Variants in AMOT observed in about 807,000 individuals in gnomAD.
AMOT encodes angiomotin.
Under a neutral mutation model 67.0 loss-of-function variants are expected in AMOT, and 11 were observed. That is an observed-to-expected ratio of 0.16 (90% CI 0.10 to 0.27). The LOEUF is 0.27. AMOT is among the 10% of genes least tolerant of loss of function. The pLI is 1.00. For synonymous variants in AMOT, 326 were observed against 321.4 expected (o/e 1.01, Z -0.15); for missense variants, 753 against 852.0 (o/e 0.88, Z 1.45).
chrX:112,780,854 T>A, intron 12 of AMOT, 32 bp downstream of exon 12: 1 of 1,184,388 alleles, frequency 8.4e-7, no homozygotes, highest in Non-Finnish European at 1.1e-6. Context: ...TTTGAACACG[T>A]GACTATAATC....
At chrX:112,821,934 G>A (rs1237543370) in intron 4 of AMOT, among the ~76,000 whole-genome samples, 2 of 112,439 alleles carry the variant, frequency 1.8e-5, no homozygotes, top group African/African-American at 6.5e-5. Flanking sequence ...GAGGGCTTAT[G>A]AGAAACACAG....
intron 11 of AMOT, among the ~76,000 whole-genome samples, 187 bp downstream of exon 11, chrX:112,782,353 A>C (rs974581118): frequency 2.7e-5 from 3 of 112,141 alleles, no homozygotes; most frequent in Non-Finnish European, 5.6e-5. Context: ...CCCTACCTGG[A>C]ATTCCATGTT....
At chrX:112,782,179 G>A (rs183990329) in intron 11 of AMOT, among the ~76,000 whole-genome samples, 152 of 112,242 alleles carry the variant, frequency 1.4e-3, no homozygotes, top group Middle Eastern at 4.6e-3. Context: ...GTGAGCCATT[G>A]TGCCCGGCCG....
intron 10 of AMOT, among the ~76,000 whole-genome samples, chrX:112,786,907 CTCTT>C (rs1933379837): frequency 8.9e-6 from 1 of 112,067 alleles, no homozygotes; most frequent in South Asian, 3.7e-4. Context: ...CTCTCTCTTT[CTCTT>C]TATCTCTTGG....
Position 112,824,737 on chromosome X carries a change from T to C in AMOT, c.-63+335A>G, listed in dbSNP as rs143232421. Among the ~76,000 whole-genome samples, 38 of 111,350 alleles carry C rather than the reference T, an allele frequency of 3.4e-4. No individual in the cohort carries two copies. In the East Asian group the frequency reaches 9.4e-3, roughly 27 times the overall value. On this transcript the variant is annotated intron_variant, in intron 3 of 13. Transcript: ENST00000371959. ...TCCCAATGTGCCTCCAGGACTCCTGTACTTGAACTGTCAAATTGGGATATT... is the reference window on the plus strand; with the variant it reads ...TCCCAATGTGCCTCCAGGACTCCTGCACTTGAACTGTCAAATTGGGATATT...
chrX:112,827,553 G>C lies in AMOT; in HGVS notation c.-211-2333C>G, dbSNP rs113056703. On this transcript the variant is annotated intron_variant, in intron 2 of 13. Transcript: ENST00000371959. ...TGTCCTGGGCACACAGACTGTCTCT[G>C]AGAATATTTGATAGGAAAAAAAGAA... 5.8e-3 allele frequency among the ~76,000 whole-genome samples: 648 copies of C among 111,883 alleles called. 15 individuals carry two copies. Among genetic ancestry groups the C allele is most frequent in the Middle Eastern group, 0.027 (6 of 219 alleles).
At chrX:112,835,923 T>C (rs180997380) in intron 1 of AMOT, among the ~76,000 whole-genome samples, 9 of 111,588 alleles carry the variant, frequency 8.1e-5, no homozygotes, top group Admixed American at 7.6e-4. Flanking sequence ...TACCACACCT[T>C]TGTTATCAAA....
intron 10 of AMOT, among the ~76,000 whole-genome samples, chrX:112,783,235 T>C (rs1323852568): frequency 2.8e-5 from 3 of 107,189 alleles, no homozygotes; most frequent in African/African-American, 1.0e-4. Context: ...GTGAAGGTTG[T>C]TGTGAGGTGA....
At chrX:112,789,494 A>G (rs973490791) in intron 10 of AMOT, among the ~76,000 whole-genome samples, 2 of 110,437 alleles carry the variant, frequency 1.8e-5, no homozygotes, top group Non-Finnish European at 3.8e-5. Context: ...AGATGACATT[A>G]GAGAGACATG....
intron 7 of AMOT, among the ~76,000 whole-genome samples, chrX:112,805,373 ACACACACAC>A (rs1569398292): frequency 3.5e-3 from 10 of 2,885 alleles, no homozygotes; most frequent in African/African-American, 0.014. Flanking sequence ...CAAAGAATAC[ACACACACAC>A]ACACACACAC....
At chrX:112,813,179 G>T (rs1439246034) in intron 5 of AMOT, among the ~76,000 whole-genome samples, 1 of 112,106 alleles carries the variant, frequency 8.9e-6, no homozygotes, top group Admixed American at 9.4e-5. Context: ...TGTGCAGACT[G>T]CTATTTCAAG....
chrX:112,809,326 G>A (rs751983471), intron 7 of AMOT, among the ~76,000 whole-genome samples: 1 of 111,480 alleles, frequency 9.0e-6, no homozygotes, highest in Non-Finnish European at 1.9e-5. Flanking sequence ...GGTCCTAGGA[G>A]TATTTCCAGA....
intron 8 of AMOT, among the ~76,000 whole-genome samples, chrX:112,803,563 C>T (rs1934079363): frequency 8.9e-6 from 1 of 112,168 alleles, no homozygotes; most frequent in Non-Finnish European, 1.9e-5. Context: ...TTTTATACTA[C>T]CTGGAGTTGA....
chrX:112,821,186 A>G (rs984651441), intron 4 of AMOT, among the ~76,000 whole-genome samples: 10 of 111,443 alleles, frequency 9.0e-5, no homozygotes, highest in African/African-American at 3.3e-4. Flanking sequence ...GGTACAGGAG[A>G]CAAAGAGGTA....
intron 1 of AMOT, among the ~76,000 whole-genome samples, chrX:112,834,462 G>A (rs1417163331): frequency 2.7e-5 from 3 of 111,694 alleles, no homozygotes; most frequent in Non-Finnish European, 5.6e-5. Context: ...ATTGTGATCT[G>A]ATGTGACACC....
At chrX:112,830,285 G>A (rs764938079) in intron 2 of AMOT, among the ~76,000 whole-genome samples, 1 of 111,727 alleles carries the variant, frequency 9.0e-6, no homozygotes, top group East Asian at 2.8e-4. Context: ...TTTCCATGTT[G>A]TGGCATAACT....
intron 8 of AMOT, among the ~76,000 whole-genome samples, chrX:112,803,491 T>G (rs1934077322): frequency 8.9e-6 from 1 of 112,348 alleles, no homozygotes; most frequent in Non-Finnish European, 1.9e-5. Flanking sequence ...TTCCTCATTT[T>G]CTGTTGAGCA....
chrX:112,819,062 G>A (rs141509059), intron 4 of AMOT, among the ~76,000 whole-genome samples: 1,504 of 110,808 alleles, frequency 0.014, 33 homozygotes, highest in African/African-American at 0.047. Context: ...GGGAAGTGGG[G>A]TAGGGTGGGG....
chrX:112,787,798 T>C (rs1476517295), intron 10 of AMOT, among the ~76,000 whole-genome samples: 1 of 112,064 alleles, frequency 8.9e-6, no homozygotes, highest in African/African-American at 3.2e-5. Flanking sequence ...CCTGGTAGAA[T>C]ACACAGAAAC....
Sources: allele counts gnomAD v4.1 joint callset (sites outside exome capture counted in the v4.1 genomes callset), GRCh38; gene constraint gnomAD v4.1.1; transcripts MANE v1.5; gene names NCBI Gene and HGNC (gene_info 2026-07-23, HGNC 2026-07-21).